The following PCDHA12 variants were observed in gnomAD, a reference collection of about 807,000 sequenced individuals.
PCDHA12 encodes the protein protocadherin alpha-12.
PCDHA12 carries 44 observed loss-of-function variants against 60.0 expected under a neutral mutation model. The ratio of observed to expected loss-of-function variants is 0.73; its 90% CI spans 0.58 to 0.94. The LOEUF is 0.94. Among genes scored for constraint, PCDHA12 ranks in the 40% least tolerant of loss-of-function variants. The pLI is 0.00. For missense variants in PCDHA12, 1,276 were observed against 1,239.7 expected (o/e 1.03, Z -0.44); for synonymous variants, 569 against 553.0 (o/e 1.03, Z -0.40).
chr5:140,938,908 C>A (rs1213664574), intron 1 of PCDHA12, among the ~76,000 whole-genome samples: 1 of 152,074 alleles, frequency 6.6e-6, no homozygotes, highest in Non-Finnish European at 1.5e-5. Flanking sequence ...CACACACACA[C>A]ACGCACAAGA....
At chr5:140,909,451 G>T (rs1433382775) in intron 1 of PCDHA12, among the ~76,000 whole-genome samples, 1 of 152,216 alleles carries the variant, frequency 6.6e-6, no homozygotes, top group African/African-American at 2.4e-5. Flanking sequence ...CATTCTCCAA[G>T]ATCCATCTGT....
intron 1 of PCDHA12, chr5:140,967,750 C>G (rs782284231): frequency 6.2e-7 from 1 of 1,614,190 alleles, no homozygotes; most frequent in South Asian, 1.1e-5. Flanking sequence ...ATGAGGAAGC[C>G]TCCTCCTACC....
intron 1 of PCDHA12, among the ~76,000 whole-genome samples, chr5:140,946,305 T>C (rs1484740423): frequency 6.6e-6 from 1 of 151,868 alleles, no homozygotes; most frequent in East Asian, 1.9e-4. Flanking sequence ...CCTGGTAGAA[T>C]GGCTATTATT....
At chr5:140,878,225 A>G (rs1554170330) in intron 1 of PCDHA12, 1 of 156,262 alleles carries the variant, frequency 6.4e-6, no homozygotes, top group Non-Finnish European at 1.4e-5. Context: ...CCTAGATCCC[A>G]TTAATGGATT....
At chr5:140,930,413 G>A (rs1461655739) in intron 1 of PCDHA12, 1 of 151,722 alleles carries the variant, frequency 6.6e-6, no homozygotes, top group Non-Finnish European at 1.5e-5. Flanking sequence ...TTTGAGACAG[G>A]GGTCTCACTA....
chr5:140,978,967 G>C lies in PCDHA12; in HGVS notation c.2386G>C (p.Asp796His), dbSNP rs782109224. 1.9e-6 allele frequency: 3 copies of C among 1,614,038 alleles called. No homozygotes were observed. The highest frequency in any genetic ancestry group is 1.1e-5 in the South Asian group (1 of 91,066). The stretch of plus-strand genomic sequence containing the variant: ...TTTGCAGCCACGACAGCCCAACCCT[G>C]ACTGGCGTTACTCTGCCTCCCTGAG... ...PPSEPRQPNPDWRYSASLRAG... is the reference protein window; with the variant it reads ...PPSEPRQPNPHWRYSASLRAG... The change falls in exon 2 of 4, where the codon GAC (aspartate) becomes CAC (histidine). Residue 796 changes from aspartate to histidine, a missense_variant. Asp to His is a moderately conservative substitution (Grantham distance 81). Coordinates refer to ENST00000398631, the MANE Select transcript of PCDHA12 (RefSeq NM_018903.4).
chr5:140,918,425 T>A (rs1402096329), intron 1 of PCDHA12, among the ~76,000 whole-genome samples: 1 of 152,200 alleles, frequency 6.6e-6, no homozygotes, highest in Non-Finnish European at 1.5e-5. Flanking sequence ...TCCAGTAGGA[T>A]GTTGAATAGG....
At chr5:140,966,631 G>A in intron 1 of PCDHA12, 1 of 995,532 alleles carries the variant, frequency 1.0e-6, no homozygotes, top group Non-Finnish European at 1.4e-6. Flanking sequence ...AGCGGCCCCA[G>A]GCGCTTTCTA....
chr5:140,945,654 AT>A (rs1230046600), intron 1 of PCDHA12, among the ~76,000 whole-genome samples: 5 of 152,294 alleles, frequency 3.3e-5, no homozygotes, highest in Admixed American at 3.3e-4. Flanking sequence ...ATGGAGCAGA[AT>A]ACAGCTCCCA....
At chr5:140,972,906 C>T (rs1554234702) in intron 1 of PCDHA12, among the ~76,000 whole-genome samples, 1 of 152,048 alleles carries the variant, frequency 6.6e-6, no homozygotes, top group African/African-American at 2.4e-5. Context: ...TTGTGATCCA[C>T]CCGCCTTGGC....
At chr5:140,912,494 A>T (rs536513157) in intron 1 of PCDHA12, among the ~76,000 whole-genome samples, 1 of 152,190 alleles carries the variant, frequency 6.6e-6, no homozygotes, top group South Asian at 2.1e-4. Context: ...CAGATCTAGG[A>T]GCTTTTTGGA....
Position 140,929,475 on chromosome 5 carries a change from G to A in PCDHA12, c.2368-49474G>A, listed in dbSNP as rs1554207114. ...ACTTCCTGTGCCAAGAAATCTGGAA[G>A]TATAGAAGTATTAGAAGATTGCCCT... is the stretch of plus-strand genomic sequence containing the variant. On this transcript the variant is annotated intron_variant, in intron 1 of 3. Transcript: ENST00000398631. The A allele has an allele frequency of 4.0e-6, 5 of 1,251,128 alleles. No individual in the cohort carries two copies. The Middle Eastern group carries it at 8.1e-4, about 202-fold the overall frequency. The allele number at this position is 1,251,128 out of a possible 1,614,324, so 77.5% of individuals were successfully genotyped here. A position where few individuals can be genotyped will look rare whatever the true frequency, so the allele number is the denominator to read the frequency against.
In PCDHA12 at chr5:140,879,783, G is replaced by C. The variant is rs182330190; in HGVS notation, c.2367+1944G>C. Among the ~76,000 whole-genome samples, 12 of 152,280 alleles carry C rather than the reference G, an allele frequency of 7.9e-5. No homozygotes were observed. In the East Asian group the frequency reaches 2.3e-3, roughly 29 times the overall value. ...TTTGGAGGCCCCAGGGAAGAATCTGGTTTTTGTTTCTTCCAGTTTCTATTG... is the reference window on the plus strand; with the variant it reads ...TTTGGAGGCCCCAGGGAAGAATCTGCTTTTTGTTTCTTCCAGTTTCTATTG... On this transcript the variant is annotated intron_variant, in intron 1 of 3. Coordinates refer to ENST00000398631, the MANE Select transcript of PCDHA12 (RefSeq NM_018903.4).
intron 1 of PCDHA12, chr5:140,929,398 A>G: frequency 6.6e-7 from 1 of 1,510,096 alleles, no homozygotes; most frequent in Non-Finnish European, 8.9e-7. Flanking sequence ...AATATTTCTT[A>G]GACAAGCCTT....
intron 1 of PCDHA12, among the ~76,000 whole-genome samples, chr5:140,949,557 T>C (rs955949496): frequency 6.6e-6 from 1 of 151,888 alleles, no homozygotes; most frequent in Non-Finnish European, 1.5e-5. Flanking sequence ...CTGGTCATAC[T>C]TTTTTTCTTG....
intron 3 of PCDHA12, among the ~76,000 whole-genome samples, chr5:141,003,395 T>G (rs1217089473): frequency 6.6e-6 from 1 of 152,160 alleles, no homozygotes; most frequent in Non-Finnish European, 1.5e-5. Flanking sequence ...CACTGAAACC[T>G]CCGCCTCCCG....
At position 140,877,014 on chromosome 5, in the gene PCDHA12, C is replaced by T; in HGVS notation, c.1542C>T (p.Ser514=). The T allele has an allele frequency of 2.5e-6, 4 of 1,612,440 alleles. No individual in the cohort carries two copies. The highest frequency in any genetic ancestry group is 2.5e-6 in the Non-Finnish European group (3 of 1,179,814). ...GCTACGTGTCGGTGCACGCGGAGAG[C>T]GGCAAGGTGTACGCGCTGCAGCCGC... ...LSSYVSVHAE[S]GKVYALQPLD... Residue 514 remains serine (S), a synonymous_variant, in exon 1 of 4, where the codon AGC becomes AGT. Transcript: ENST00000398631.
At chr5:140,918,595 A>T (rs2078770795) in intron 1 of PCDHA12, among the ~76,000 whole-genome samples, 1 of 152,228 alleles carries the variant, frequency 6.6e-6, no homozygotes, top group Non-Finnish European at 1.5e-5. Context: ...TGTTCTATAG[A>T]TGTTGCTATG....
intron 2 of PCDHA12, chr5:140,982,263 C>A: frequency 1.2e-6 from 1 of 858,968 alleles, no homozygotes; most frequent in Non-Finnish European, 1.7e-6. Flanking sequence ...ATGTGTGTTC[C>A]TGGAATAGTA....
Sources: allele counts gnomAD v4.1 joint callset (sites outside exome capture counted in the v4.1 genomes callset), GRCh38; gene constraint gnomAD v4.1.1; transcripts MANE v1.5; gene names NCBI Gene and HGNC (gene_info 2026-07-23, HGNC 2026-07-21).